Variants in CCBE1 observed in about 807,000 individuals in gnomAD.
CCBE1 encodes the protein collagen and calcium binding EGF domains 1, also known as collagen and calcium-binding EGF domain-containing protein 1.
In CCBE1, 37 loss-of-function variants were observed where a neutral mutation model predicts 50.0. That is an observed-to-expected ratio of 0.74 (90% CI 0.57 to 0.97). The LOEUF (loss-of-function observed/expected upper bound fraction) is 0.97, where lower values mean the gene tolerates loss of function less well. CCBE1 is among the 50% of genes least tolerant of loss of function. The pLI is 0.00. For synonymous variants in CCBE1, 234 were observed against 203.7 expected, an observed-to-expected ratio of 1.15 and a Z score of -1.27; for missense variants, 538 against 523.8, an observed-to-expected ratio of 1.03 and a Z score of -0.26.
intron 2 of CCBE1, among the ~76,000 whole-genome samples, chr18:59,682,724 C>T (rs1227439031): frequency 6.6e-6 from 1 of 152,236 alleles, no homozygotes; most frequent in Non-Finnish European, 1.5e-5. Context: ...GATATCTTAG[C>T]ATATGCATAG....
At chr18:59,536,990 C>CAGA (rs1555689252) in intron 2 of CCBE1, among the ~76,000 whole-genome samples, 21 of 91,832 alleles carry the variant, frequency 2.3e-4, no homozygotes, top group African/African-American at 7.7e-4. Context: ...GACTCTGTCT[C>CAGA]AAAAAAAAAA....
intron 2 of CCBE1, among the ~76,000 whole-genome samples, chr18:59,645,226 T>TCAA (rs10562482): frequency 1.3e-5 from 2 of 151,884 alleles, no homozygotes; most frequent in South Asian, 2.1e-4. Context: ...AGACTCCGTC[T>TCAA]CAACAACAAC....
chr18:59,514,438 C>T (rs139993767), intron 2 of CCBE1, among the ~76,000 whole-genome samples: 1 of 152,198 alleles, frequency 6.6e-6, no homozygotes, highest in Non-Finnish European at 1.5e-5. Flanking sequence ...GCAGTTCAGC[C>T]TTCCATGCAG....
intron 2 of CCBE1, among the ~76,000 whole-genome samples, chr18:59,582,024 C>A (rs1307642739): frequency 2.6e-5 from 4 of 152,116 alleles, no homozygotes; most frequent in Non-Finnish European, 4.4e-5. Context: ...TAGCACCTGA[C>A]CCCTAAGACA....
intron 2 of CCBE1, among the ~76,000 whole-genome samples, chr18:59,584,503 T>TA (rs144119317): frequency 0.1 from 15,135 of 149,034 alleles, 843 homozygotes; most frequent in Non-Finnish European, 0.12. Flanking sequence ...AGTATAATAA[T>TA]AATAAAAAAA....
chr18:59,444,075 T>A (rs1376247869), intron 7 of CCBE1, among the ~76,000 whole-genome samples: 1 of 152,250 alleles, frequency 6.6e-6, no homozygotes, highest in East Asian at 1.9e-4. Flanking sequence ...AATTTCCATC[T>A]TTTTAAAGGC....
In CCBE1 at chr18:59,460,443, A is replaced by G. The variant is rs137871950; in HGVS notation, c.554-5492T>C. Among the ~76,000 whole-genome samples the G allele has an allele frequency of 5.7e-3, 866 of 152,344 alleles. 11 individuals carry two copies. The highest frequency in any genetic ancestry group is 0.019 in the African/African-American group (810 of 41,570). ...ACCATAACGAAATATTGAGCTTACTAATTAGTCCAAAACAGATGAAAATGC... is the reference window on the plus strand; with the variant it reads ...ACCATAACGAAATATTGAGCTTACTGATTAGTCCAAAACAGATGAAAATGC... On this transcript the variant is annotated intron_variant, in intron 5 of 10. Coordinates refer to ENST00000439986, the MANE Select transcript of CCBE1 (RefSeq NM_133459.4).
At chr18:59,593,979 T>C (rs543596674) in intron 2 of CCBE1, among the ~76,000 whole-genome samples, 1 of 152,336 alleles carries the variant, frequency 6.6e-6, no homozygotes, top group East Asian at 1.9e-4. Context: ...TCAAGAACCA[T>C]GTCCCCCTAA....
chr18:59,639,041 A>T (rs1180574849), intron 2 of CCBE1, among the ~76,000 whole-genome samples: 1 of 152,232 alleles, frequency 6.6e-6, no homozygotes, highest in African/African-American at 2.4e-5. Context: ...ATGGCATCCA[A>T]AACTACAGGT....
chr18:59,628,613 T>A (rs1282962388), intron 2 of CCBE1, among the ~76,000 whole-genome samples: 1 of 152,184 alleles, frequency 6.6e-6, no homozygotes, highest in Non-Finnish European at 1.5e-5. Flanking sequence ...TATGACGGGA[T>A]AGAACACGTT....
intron 2 of CCBE1, among the ~76,000 whole-genome samples, chr18:59,507,937 C>T (rs8093022): frequency 0.26 from 38,937 of 149,882 alleles, 5,284 homozygotes; most frequent in Middle Eastern, 0.33. Context: ...TGTCACCAGG[C>T]TGAAGGGCAG....
At chr18:59,620,937 C>T (rs1462002370) in intron 2 of CCBE1, among the ~76,000 whole-genome samples, 3 of 152,152 alleles carry the variant, frequency 2.0e-5, no homozygotes, top group East Asian at 1.9e-4. Context: ...TCCAGGCAAT[C>T]GGACTTCAAT....
chr18:59,650,371 A>ACCC lies in CCBE1; in HGVS notation c.212+46255_212+46257dup, dbSNP rs1189782789. On this transcript the variant is annotated intron_variant, in intron 2 of 10. Coordinates refer to ENST00000439986, the MANE Select transcript of CCBE1 (RefSeq NM_133459.4). The stretch of plus-strand genomic sequence containing the variant: ...GAAGAGGCTCCAGACCTCTAGAGTG[A>ACCC]CCCCCTTCCTCCCTAGGTTCCTCCA... Among the ~76,000 whole-genome samples the ACCC allele has an allele frequency of 4.0e-5, 6 of 150,076 alleles. No homozygotes were observed. In the East Asian group the frequency reaches 1.2e-3, roughly 30 times the overall value.
intron 2 of CCBE1, among the ~76,000 whole-genome samples, chr18:59,636,914 T>C (rs1006656964): frequency 6.6e-6 from 1 of 152,218 alleles, no homozygotes; most frequent in Non-Finnish European, 1.5e-5. Context: ...GTGATTACCT[T>C]GATAGTGTCT....
rs943257751 is a variant in CCBE1, at chr18:59,464,543, C to T, written c.553+2196G>A. Among the ~76,000 whole-genome samples the T allele has an allele frequency of 2.6e-5, 4 of 152,250 alleles. No individual in the cohort carries two copies. In the South Asian group the frequency reaches 8.3e-4, roughly 31 times the overall value. On this transcript the variant is annotated intron_variant, in intron 5 of 10. Transcript: ENST00000439986. ...TGCCCTATGAACACCCCTGGGCAGG[C>T]ACATGCCACATGCTTCAGGCTTTAA...
Position 59,683,908 on chromosome 18 carries a change from C to T in CCBE1, c.212+12721G>A, listed in dbSNP as rs564405900. On this transcript the variant is annotated intron_variant, in intron 2 of 10. Transcript: ENST00000439986. ...ATCAGTGACCACCAAGACATGGTCC[C>T]GGCTGTGCCAAGACCTCAAACCCCT... Among the ~76,000 whole-genome samples the T allele has an allele frequency of 1.3e-4, 19 of 151,194 alleles. No individual in the cohort carries two copies. In the South Asian group the frequency reaches 1.7e-3, roughly 13 times the overall value.
intron 2 of CCBE1, 90 bp from the exon 3 acceptor site, chr18:59,480,328 C>T (rs939450323): frequency 1.2e-4 from 126 of 1,035,252 alleles, no homozygotes; most frequent in Non-Finnish European, 1.8e-4. Flanking sequence ...ATAACTTGTG[C>T]CCAGGAAACA....
At chr18:59,646,342 G>T (rs146164117) in intron 2 of CCBE1, among the ~76,000 whole-genome samples, 5 of 152,200 alleles carry the variant, frequency 3.3e-5, no homozygotes, top group Non-Finnish European at 7.3e-5. Flanking sequence ...AGATTGTCCT[G>T]AGAGGGATTC....
intron 2 of CCBE1, among the ~76,000 whole-genome samples, chr18:59,669,490 G>A (rs561429189): frequency 1.9e-4 from 29 of 152,328 alleles, no homozygotes; most frequent in East Asian, 1.2e-3. Flanking sequence ...GAATATCTGT[G>A]GCTGAGAGGA....
Sources: allele counts gnomAD v4.1 joint callset (sites outside exome capture counted in the v4.1 genomes callset), GRCh38; gene constraint gnomAD v4.1.1; transcripts MANE v1.5; gene names NCBI Gene and HGNC (gene_info 2026-07-23, HGNC 2026-07-21).